Variants in AGO3 observed in about 807,000 individuals in gnomAD.
AGO3 encodes protein argonaute-3.
Under a neutral mutation model 105.5 loss-of-function variants are expected in AGO3, and 16 were observed. The ratio of observed to expected loss-of-function variants is 0.15; its 90% CI spans 0.10 to 0.23. AGO3 has a LOEUF of 0.23. Among genes scored for constraint, AGO3 ranks in the 10% least tolerant of loss-of-function variants. The pLI, the probability that AGO3 is intolerant of heterozygous loss-of-function variation, is 1.00. For missense variants in AGO3, 534 were observed against 1,088.0 expected (o/e 0.49, Z 7.16); for synonymous variants, 340 against 367.3 (o/e 0.93, Z 0.85).
In AGO3 at chr1:36,055,983, A is replaced by G. The variant is rs1017437534; in HGVS notation, c.*238A>G. On this transcript the variant is annotated 3_prime_UTR_variant, in exon 19 of 19. Coordinates refer to ENST00000373191, the MANE Select transcript of AGO3 (RefSeq NM_024852.4). The surrounding 1 kb of genome is among the most constrained non-coding windows in gnomAD (Gnocchi z 4.4). The stretch of plus-strand genomic sequence containing the variant: ...TGCTTTTTGTGCGGTCTCCTATAGG[A>G]AGTATCGCAATTGTTTTGTTTTCAT... The G allele has an allele frequency of 5.5e-6, 2 of 363,470 alleles. No homozygotes were observed. The highest frequency in any genetic ancestry group is 4.2e-5 in the African/African-American group (2 of 48,062). The allele number at this position is 363,470 out of a possible 1,614,324, so 22.5% of individuals were successfully genotyped here.
intron 17 of AGO3, among the ~76,000 whole-genome samples, chr1:36,044,309 C>T (rs1471311571): frequency 6.6e-6 from 1 of 152,094 alleles, no homozygotes; most frequent in Non-Finnish European, 1.5e-5. Context: ...AATCATGCCA[C>T]TGCACTCCAG....
At chr1:36,002,610 G>C (rs566706037) in intron 5 of AGO3, among the ~76,000 whole-genome samples, 1 of 151,892 alleles carries the variant, frequency 6.6e-6, no homozygotes, top group Admixed American at 6.6e-5. Context: ...GGGATTACAG[G>C]TGTGAGCCAC....
intron 17 of AGO3, among the ~76,000 whole-genome samples, chr1:36,049,605 T>A (rs2148859930): frequency 6.6e-6 from 1 of 152,064 alleles, no homozygotes; most frequent in Non-Finnish European, 1.5e-5. Flanking sequence ...CACATGTACC[T>A]CCTATATTTA....
intron 5 of AGO3, among the ~76,000 whole-genome samples, chr1:35,994,794 A>C (rs1053570392): frequency 2.6e-5 from 4 of 152,182 alleles, no homozygotes; most frequent in Admixed American, 6.5e-5. Flanking sequence ...ATAAATATAA[A>C]GATGTGCATG....
intron 5 of AGO3, among the ~76,000 whole-genome samples, chr1:35,991,428 A>G (rs1647640336): frequency 1.3e-5 from 2 of 151,796 alleles, no homozygotes; most frequent in African/African-American, 4.8e-5. Context: ...TTGAGATCAC[A>G]CTTCACTGTT....
At position 35,931,366 on chromosome 1, in the gene AGO3, G is replaced by A. The variant is rs1268512355; in HGVS notation, c.-61G>A. ...GTCGCGCCGCGTCGCCCCCCGGGCC[G>A]CCTCCTTGCCGCCAGTGGCGGGCTC... On this transcript the variant is annotated 5_prime_UTR_variant, in exon 1 of 19. Coordinates refer to ENST00000373191, the MANE Select transcript of AGO3 (RefSeq NM_024852.4). 5.0e-6 allele frequency: 7 copies of A among 1,399,634 alleles called. No homozygotes were observed. Among genetic ancestry groups the A allele is most frequent in the Admixed American group, 6.4e-5 (2 of 31,032 alleles). The allele number at this position is 1,399,634 out of a possible 1,614,324, so 86.7% of individuals were successfully genotyped here. A position where few individuals can be genotyped will look rare whatever the true frequency, so the allele number is the denominator to read the frequency against.
intron 2 of AGO3, among the ~76,000 whole-genome samples, chr1:35,963,781 A>G (rs1005371343): frequency 1.3e-5 from 2 of 152,188 alleles, no homozygotes; most frequent in Admixed American, 1.3e-4. Context: ...GTAAAGGACT[A>G]GTATAAGAAA....
At chr1:35,954,013 T>C (rs1017782852) in intron 2 of AGO3, among the ~76,000 whole-genome samples, 1 of 152,202 alleles carries the variant, frequency 6.6e-6, no homozygotes, top group Admixed American at 6.6e-5. Flanking sequence ...TTTTTTCTTT[T>C]GTCGCTTGTG....
chr1:35,999,813 G>A (rs933143141), intron 5 of AGO3, among the ~76,000 whole-genome samples: 9 of 151,842 alleles, frequency 5.9e-5, no homozygotes, highest in Non-Finnish European at 1.2e-4. Context: ...TAATAATTTT[G>A]TTTCTCTCTT....
At chr1:35,965,489 CAAAAAAA>C (rs1171759827) in intron 2 of AGO3, among the ~76,000 whole-genome samples, 24 of 87,426 alleles carry the variant, frequency 2.7e-4, no homozygotes, top group African/African-American at 8.3e-4. Context: ...GACGCTGTCT[CAAAAAAA>C]AAAAAAAAAA....
intron 17 of AGO3, among the ~76,000 whole-genome samples, chr1:36,044,456 C>G (rs1237139864): frequency 1.3e-5 from 2 of 151,970 alleles, no homozygotes; most frequent in African/African-American, 4.8e-5. Context: ...CAGAGTCTCA[C>G]TCTGTTGCCC....
intron 16 of AGO3, chr1:36,043,158 T>A (rs1009050396): frequency 1.4e-5 from 4 of 277,024 alleles, no homozygotes; most frequent in East Asian, 7.0e-5. Context: ...TAAGTTAATT[T>A]AAAAAAAATT....
At position 36,068,384 on chromosome 1, in the gene AGO3, G is replaced by C. The variant is rs1643120945; in HGVS notation, c.*12639G>C. 1 of 152,140 alleles carries C rather than the reference G, an allele frequency of 6.6e-6. No individual in the cohort carries two copies. The allele number at this position is 152,140 out of a possible 1,614,324, so 9.4% of individuals were successfully genotyped here. A position where few individuals can be genotyped will look rare whatever the true frequency, so the allele number is the denominator to read the frequency against. ...AGTGATAATATTATTGTTGATATTA[G>C]CCAGATGTGGTGGTTTGCACCTGTA... On this transcript the variant is annotated 3_prime_UTR_variant, in exon 19 of 19. Transcript: ENST00000373191.
At chr1:35,983,577 G>T (rs973832347) in intron 5 of AGO3, among the ~76,000 whole-genome samples, 3 of 151,936 alleles carry the variant, frequency 2.0e-5, no homozygotes, top group Non-Finnish European at 2.9e-5. Flanking sequence ...ACAAAGCAAG[G>T]CCCCATCTCA....
intron 12 of AGO3, among the ~76,000 whole-genome samples, chr1:36,033,388 C>T (rs1398890055): frequency 6.6e-6 from 1 of 151,124 alleles, no homozygotes; most frequent in Admixed American, 6.6e-5. Context: ...GCCTGTAATC[C>T]CAACACTTTG....
In AGO3 at chr1:36,056,744, T is replaced by C. The variant is rs1021545710; in HGVS notation, c.*999T>C. On this transcript the variant is annotated 3_prime_UTR_variant, in exon 19 of 19. Transcript: ENST00000373191. ...TTTTCTTTTTTCTTTTTCTTTTCTT[T>C]CTTTTTTTTTTTTAATGAGACAGAG... 6.6e-6 allele frequency: 1 copy of C among 151,328 alleles called. No individual in the cohort carries two copies. The highest frequency in any genetic ancestry group is 1.5e-5 in the Non-Finnish European group (1 of 67,916). The allele number at this position is 151,328 out of a possible 1,614,324, so 9.4% of individuals were successfully genotyped here.
intron 1 of AGO3, among the ~76,000 whole-genome samples, chr1:35,935,893 G>A (rs1050538944): frequency 2.1e-4 from 32 of 152,278 alleles, no homozygotes. Flanking sequence ...ATAAGTTTTT[G>A]TTGTTGCTAA....
intron 5 of AGO3, among the ~76,000 whole-genome samples, chr1:36,000,914 A>G (rs1241153600): frequency 6.6e-6 from 1 of 152,016 alleles, no homozygotes; most frequent in African/African-American, 2.4e-5. Context: ...TTTAGAAGTG[A>G]ATATTGATTT....
Position 36,044,410 on chromosome 1 carries a change from GT to G in AGO3, c.2274+866del, listed in dbSNP as rs1642377608. Among the ~76,000 whole-genome samples, 7 of 151,266 alleles carry G rather than the reference GT, an allele frequency of 4.6e-5. 1 individual carries two copies. The South Asian group carries it at 1.5e-3, about 32-fold the overall frequency. ...TTAGTTTTTTTTTGTTGTTGTTGTT[GT>G]TTTGTTTTGTTTGTTTGTTTGTTTG... On this transcript the variant is annotated intron_variant, in intron 17 of 18. Transcript: ENST00000373191.
Sources: gnomAD v4.1 joint callset for allele counts (sites outside exome capture counted in the v4.1 genomes callset) on GRCh38, gnomAD v4.1.1 for gene constraint, Gnocchi (gnomAD v3.1) non-coding constraint, MANE v1.5 for transcripts, NCBI Gene and HGNC (gene_info 2026-07-23, HGNC 2026-07-21) for gene names.